Variants in SUPT3H observed in about 807,000 individuals in gnomAD.
The protein encoded by SUPT3H is transcription initiation protein SPT3 homolog.
SUPT3H carries 44 observed loss-of-function variants against 44.3 expected under a neutral mutation model. The ratio of observed to expected loss-of-function variants is 0.99; its 90% CI spans 0.78 to 1.28. The LOEUF is 1.28. SUPT3H is among the 50% of genes most tolerant of loss of function. SUPT3H has a pLI of 0.00. For synonymous variants in SUPT3H, 124 were observed against 125.6 expected, an observed-to-expected ratio of 0.99 and a Z score of 0.09; for missense variants, 380 against 387.1, an observed-to-expected ratio of 0.98 and a Z score of 0.15.
At chr6:45,369,075 G>T (rs1396940187) in intron 1 of SUPT3H, among the ~76,000 whole-genome samples, 3 of 151,836 alleles carry the variant, frequency 2.0e-5, no homozygotes, top group Non-Finnish European at 2.9e-5. Context: ...TAACACAAAG[G>T]TAATCTCAAT....
intron 10 of SUPT3H, among the ~76,000 whole-genome samples, chr6:44,881,005 C>A (rs1778135285): frequency 6.6e-6 from 1 of 151,812 alleles, no homozygotes; most frequent in African/African-American, 2.4e-5. Context: ...AACTAATGGG[C>A]AAAATAACCA....
At chr6:45,329,753 T>C (rs1304760608) in intron 2 of SUPT3H, among the ~76,000 whole-genome samples, 1 of 151,972 alleles carries the variant, frequency 6.6e-6, no homozygotes, top group Non-Finnish European at 1.5e-5. Context: ...AATTTCAAGT[T>C]ACTGTTGATA....
chr6:45,283,581 T>C (rs539825390), intron 2 of SUPT3H, among the ~76,000 whole-genome samples: 6 of 152,142 alleles, frequency 3.9e-5, no homozygotes, highest in African/African-American at 1.4e-4. Flanking sequence ...CCCAGATTCA[T>C]AAAGCAAGTC....
intron 3 of SUPT3H, among the ~76,000 whole-genome samples, chr6:45,062,196 G>A (rs925285822): frequency 2.0e-5 from 3 of 151,926 alleles, no homozygotes; most frequent in African/African-American, 4.8e-5. Context: ...TAAAGTTGTT[G>A]TAATACTGTT....
chr6:45,182,432 T>C (rs1194757697), intron 2 of SUPT3H, among the ~76,000 whole-genome samples: 1 of 152,084 alleles, frequency 6.6e-6, no homozygotes, highest in Admixed American at 6.6e-5. Flanking sequence ...TGGCTAATTT[T>C]TGCATTTTTA....
chr6:45,062,620 G>A (rs370491255), intron 3 of SUPT3H, among the ~76,000 whole-genome samples: 88 of 152,334 alleles, frequency 5.8e-4, no homozygotes, highest in Middle Eastern at 3.4e-3. Flanking sequence ...TGCGCAAGCC[G>A]AAGCAGGGCG....
At chr6:45,214,015 C>CAAAAAAAAAAAAAAAAAAAAAAAAA in intron 2 of SUPT3H, among the ~76,000 whole-genome samples, 2 of 74,106 alleles carry the variant, frequency 2.7e-5, no homozygotes, top group Non-Finnish European at 4.9e-5. Context: ...TTTTGAAATG[C>CAAAAAAAAAAAAAAAAAAAAAAAAA]AAAAAAAAAA....
At chr6:45,007,690 C>T (rs1169340263) in intron 5 of SUPT3H, among the ~76,000 whole-genome samples, 4 of 151,444 alleles carry the variant, frequency 2.6e-5, no homozygotes, top group African/African-American at 9.7e-5. Flanking sequence ...GTCTTAGCTT[C>T]CTCTATGTTG....
rs574159170 is a variant in SUPT3H at position 45,124,468 on chromosome 6, AC to A, written c.102-18463del. ...AGACCAGCCTGGCCAATATGGTGAA[AC>A]CCCCCCCTCTACTAAAAATACAAAA... is the stretch of plus-strand genomic sequence containing the variant. On this transcript the variant is annotated intron_variant, in intron 2 of 10. Transcript: ENST00000371459. Among the ~76,000 whole-genome samples, 354 of 150,410 alleles carry A rather than the reference AC, an allele frequency of 2.4e-3. 1 individual carries two copies. The highest frequency in any genetic ancestry group is 7.9e-3 in the African/African-American group (322 of 40,860).
chr6:44,934,448 A>G (rs1771092408), intron 9 of SUPT3H, among the ~76,000 whole-genome samples: 1 of 152,232 alleles, frequency 6.6e-6, no homozygotes, highest in African/African-American at 2.4e-5. Flanking sequence ...ACATACTCCT[A>G]TGGAGCTATC....
chr6:44,951,287 G>T (rs1774275026), intron 9 of SUPT3H, among the ~76,000 whole-genome samples: 1 of 142,522 alleles, frequency 7.0e-6, no homozygotes. Flanking sequence ...TCACTCATTT[G>T]GAAACCAGTA....
chr6:44,976,114 G>C (rs1778297278), intron 6 of SUPT3H, among the ~76,000 whole-genome samples: 1 of 152,144 alleles, frequency 6.6e-6, no homozygotes. Flanking sequence ...ATAGAAATCT[G>C]TCACAGAGAC....
At chr6:45,324,478 C>G (rs1410361080) in intron 2 of SUPT3H, among the ~76,000 whole-genome samples, 5 of 151,702 alleles carry the variant, frequency 3.3e-5, no homozygotes, top group African/African-American at 1.2e-4. Flanking sequence ...ATGTCAATAT[C>G]CCCTACTAGA....
At chr6:45,039,818 A>C (rs1056324661) in intron 3 of SUPT3H, among the ~76,000 whole-genome samples, 28 of 140,764 alleles carry the variant, frequency 2.0e-4, no homozygotes, top group Admixed American at 1.5e-3. Flanking sequence ...AAAAACAAAC[A>C]AAAAAAACCC....
chr6:45,196,013 T>C (rs1815955489), intron 2 of SUPT3H, among the ~76,000 whole-genome samples: 1 of 152,096 alleles, frequency 6.6e-6, no homozygotes, highest in Non-Finnish European at 1.5e-5. Context: ...TAGTAACAAA[T>C]ATTTACAGGT....
intron 3 of SUPT3H, among the ~76,000 whole-genome samples, chr6:45,062,862 A>T (rs1490414725): frequency 6.6e-6 from 1 of 152,038 alleles, no homozygotes; most frequent in Non-Finnish European, 1.5e-5. Flanking sequence ...ATCAAACTGC[A>T]AGGCGGCAGC....
At chr6:45,142,093 T>C (rs1805305205) in intron 2 of SUPT3H, among the ~76,000 whole-genome samples, 1 of 152,172 alleles carries the variant, frequency 6.6e-6, no homozygotes, top group African/African-American at 2.4e-5. Context: ...GGTCCTATCT[T>C]TAGCCTCTTG....
At chr6:45,148,949 AT>A (rs1806505326) in intron 2 of SUPT3H, among the ~76,000 whole-genome samples, 1 of 152,108 alleles carries the variant, frequency 6.6e-6, no homozygotes, top group Non-Finnish European at 1.5e-5. Context: ...AAGTTTGCTG[AT>A]TTCAGTGCCC....
downstream of SUPT3H, among the ~76,000 whole-genome samples, chr6:44,823,101 C>CA (rs5875894): frequency 8.8e-6 from 1 of 113,178 alleles, no homozygotes; most frequent in African/African-American, 3.4e-5. Flanking sequence ...GACTCCGTTT[C>CA]AAAAAAAAAA....
Sources: gnomAD v4.1 joint callset for allele counts (sites outside exome capture counted in the v4.1 genomes callset) on GRCh38, gnomAD v4.1.1 for gene constraint, MANE v1.5 for transcripts, NCBI Gene and HGNC (gene_info 2026-07-23, HGNC 2026-07-21) for gene names.